Variants in NBAS observed in about 807,000 individuals in gnomAD.
NBAS encodes NBAS subunit of NRZ tethering complex, also known as NAG/BC035112 fusion.
NBAS carries 219 observed loss-of-function variants against 302.5 expected under a neutral mutation model. The ratio of observed to expected loss-of-function variants is 0.72; its 90% CI spans 0.65 to 0.81. NBAS has a LOEUF of 0.81. Ranked by LOEUF, NBAS falls within the 30% of genes least tolerant of loss-of-function variation. The pLI is 0.00. For synonymous variants in NBAS, 1,118 were observed against 1,021.6 expected (o/e 1.09, Z -1.80); for missense variants, 2,932 against 2,841.6 (o/e 1.03, Z -0.72).
intron 25 of NBAS, among the ~76,000 whole-genome samples, chr2:15,413,831 A>G (rs74371782): frequency 0.014 from 2,058 of 152,308 alleles, 33 homozygotes; most frequent in East Asian, 0.059. Flanking sequence ...TTGGAAAGGA[A>G]GAGCCCAACA....
chr2:15,503,701 T>C (rs1394623835), intron 11 of NBAS, among the ~76,000 whole-genome samples: 2 of 152,134 alleles, frequency 1.3e-5, no homozygotes, highest in Admixed American at 1.3e-4. Flanking sequence ...ACTTAAAACC[T>C]AGGGTCAGGA....
rs1406023219 is a variant in NBAS, at chr2:15,556,770, A to C, written c.209+13T>G. 1 of 1,601,904 alleles carries C rather than the reference A, an allele frequency of 6.2e-7. No homozygotes were observed. The highest frequency in any genetic ancestry group is 1.1e-5 in the South Asian group (1 of 90,778). ...GATGTTCATACTGTTTCTCTGAAGAACCGAAGACTCACCTGTACCAGATGT... is the reference window on the plus strand; with the variant it reads ...GATGTTCATACTGTTTCTCTGAAGACCCGAAGACTCACCTGTACCAGATGT... On this transcript the variant is annotated intron_variant, in intron 3 of 51. Coordinates refer to ENST00000281513, the MANE Select transcript of NBAS (RefSeq NM_015909.4).
chr2:15,252,593 A>C (rs910132813), intron 44 of NBAS, among the ~76,000 whole-genome samples: 11 of 152,280 alleles, frequency 7.2e-5, no homozygotes, highest in Admixed American at 5.2e-4. Context: ...ATGGCAGGTG[A>C]CTTAAGAAAA....
At chr2:15,191,030 A>G (rs1665331428) in intron 48 of NBAS, among the ~76,000 whole-genome samples, 1 of 152,192 alleles carries the variant, frequency 6.6e-6, no homozygotes, top group Non-Finnish European at 1.5e-5. Context: ...CAGTCCTAAA[A>G]CAAATCACAT....
the NBAS span, among the ~76,000 whole-genome samples, chr2:15,105,911 C>G: frequency 6.6e-6 from 1 of 152,144 alleles, no homozygotes; most frequent in Non-Finnish European, 1.5e-5. Context: ...GGATGGCAAA[C>G]TATTTCAGAG....
intron 9 of NBAS, among the ~76,000 whole-genome samples, chr2:15,532,543 A>G (rs951171220): frequency 6.6e-6 from 1 of 151,656 alleles, no homozygotes; most frequent in African/African-American, 2.4e-5. Context: ...GATTTAACAT[A>G]TAACAGGAGA....
At chr2:15,306,078 G>C (rs759823889) in intron 40 of NBAS, among the ~76,000 whole-genome samples, 8 of 152,214 alleles carry the variant, frequency 5.3e-5, no homozygotes, top group Non-Finnish European at 1.2e-4. Context: ...TTTGGCACTT[G>C]TGTACACACA....
At chr2:15,148,028 T>C in the NBAS span, among the ~76,000 whole-genome samples, 1,298 of 152,266 alleles carry the variant, frequency 8.5e-3, 10 homozygotes, top group Non-Finnish European at 0.014. Flanking sequence ...TCCCCAGACA[T>C]GCTTCTTGCA....
At chr2:15,523,079 C>T (rs954980225) in intron 9 of NBAS, among the ~76,000 whole-genome samples, 1 of 152,208 alleles carries the variant, frequency 6.6e-6, no homozygotes, top group Non-Finnish European at 1.5e-5. Flanking sequence ...TCAACTTTTT[C>T]TTGTCATGTC....
the NBAS span, among the ~76,000 whole-genome samples, chr2:14,787,826 C>A: frequency 6.6e-6 from 1 of 152,126 alleles, no homozygotes; most frequent in African/African-American, 2.4e-5. Flanking sequence ...CAAGGAGTAT[C>A]TTTGTGGCAT....
the NBAS span, among the ~76,000 whole-genome samples, chr2:14,960,769 C>G: frequency 6.6e-6 from 1 of 152,156 alleles, no homozygotes; most frequent in Non-Finnish European, 1.5e-5. Flanking sequence ...ACCAAATGAC[C>G]ACTTTGTGCC....
At chr2:15,277,590 A>G (rs1558497129) in intron 42 of NBAS, among the ~76,000 whole-genome samples, 1 of 152,242 alleles carries the variant, frequency 6.6e-6, no homozygotes, top group Non-Finnish European at 1.5e-5. Flanking sequence ...TTGAATTAAT[A>G]TTCAATAAAC....
chr2:15,095,971 G>A, the NBAS span, among the ~76,000 whole-genome samples: 4 of 152,184 alleles, frequency 2.6e-5, no homozygotes, highest in African/African-American at 7.2e-5. Flanking sequence ...CAGCTTCCCT[G>A]GTGCCAGAGC....
At chr2:15,544,494 C>T (rs1664009962) in intron 6 of NBAS, among the ~76,000 whole-genome samples, 1 of 152,110 alleles carries the variant, frequency 6.6e-6, no homozygotes, top group African/African-American at 2.4e-5. Flanking sequence ...TAGGCATAAA[C>T]TTTGCAAATT....
At position 15,478,283 on chromosome 2, in the gene NBAS, A is replaced by G. The variant is rs1214622017; in HGVS notation, c.1090T>C (p.Tyr364His). ...CTCCAATCAGGATTAAGGTCATCAT[A>G]GCCTGGCTAAATATGAAAATAATGA... is the stretch of plus-strand genomic sequence containing the variant. ...GEWGQNEQPG[Y>H]DDLNPDWRLS... The change falls in exon 13 of 52, where the codon TAT becomes CAT. Residue 364 changes from tyrosine (Y) to histidine (H), a missense_variant. Tyr to His is a moderately conservative substitution (Grantham distance 83). Coordinates refer to ENST00000281513, the MANE Select transcript of NBAS (RefSeq NM_015909.4). The G allele has an allele frequency of 6.2e-7, 1 of 1,610,086 alleles. No homozygotes were observed. The highest frequency in any genetic ancestry group is 1.3e-5 in the African/African-American group (1 of 74,834).
At chr2:14,965,543 C>CA in the NBAS span, among the ~76,000 whole-genome samples, 1 of 152,194 alleles carries the variant, frequency 6.6e-6, no homozygotes, top group East Asian at 1.9e-4. Context: ...AAACTCTTTG[C>CA]AAGAGAGAAC....
At chr2:15,098,050 ATATTATATTG>A in the NBAS span, among the ~76,000 whole-genome samples, 4,260 of 18,174 alleles carry the variant, frequency 0.23, 2,097 homozygotes, top group Non-Finnish European at 0.3. Flanking sequence ...TGTATATAAT[ATATTATATTG>A]TATATATTAT....
At chr2:15,008,864 T>A in the NBAS span, among the ~76,000 whole-genome samples, 1 of 152,220 alleles carries the variant, frequency 6.6e-6, no homozygotes. Flanking sequence ...TCCCACCTCA[T>A]TGTTTAAAAA....
the NBAS span, among the ~76,000 whole-genome samples, chr2:14,964,110 C>A: frequency 6.6e-6 from 1 of 152,098 alleles, no homozygotes; most frequent in Admixed American, 6.5e-5. Flanking sequence ...AAACACTGAA[C>A]AAGGTAAAAT....
Sources: gnomAD v4.1 joint callset for allele counts (sites outside exome capture counted in the v4.1 genomes callset) on GRCh38, gnomAD v4.1.1 for gene constraint, MANE v1.5 for transcripts, NCBI Gene and HGNC (gene_info 2026-07-23, HGNC 2026-07-21) for gene names.